Variants in SOX5 observed in about 807,000 individuals in gnomAD.
The protein encoded by SOX5 is transcription factor SOX-5.
In SOX5, 9 loss-of-function variants were observed where a neutral mutation model predicts 92.0. That is an observed-to-expected ratio of 0.10 (90% confidence interval 0.06 to 0.17). The LOEUF is 0.17. Ranked by LOEUF, SOX5 falls within the 10% of genes least tolerant of loss-of-function variation. The pLI is 1.00. For missense variants in SOX5, 642 were observed against 944.5 expected, an observed-to-expected ratio of 0.68 and a Z score of 4.20; for synonymous variants, 344 against 336.3, an observed-to-expected ratio of 1.02 and a Z score of -0.25.
intron 3 of SOX5, among the ~76,000 whole-genome samples, chr12:24,276,475 G>A (rs11047344): frequency 1.3e-5 from 2 of 152,096 alleles, no homozygotes; most frequent in African/African-American, 2.4e-5. Context: ...AGGTATCAAC[G>A]AAAGGAGATT....
At chr12:23,687,980 A>G (rs776170919) in intron 6 of SOX5, among the ~76,000 whole-genome samples, 1 of 151,918 alleles carries the variant, frequency 6.6e-6, no homozygotes, top group Non-Finnish European at 1.5e-5. Flanking sequence ...ACTCTAGACA[A>G]TAGTATTGGT....
chr12:24,232,160 T>C (rs578212067), intron 3 of SOX5, among the ~76,000 whole-genome samples: 1 of 152,332 alleles, frequency 6.6e-6, no homozygotes, highest in Non-Finnish European at 1.5e-5. Context: ...GCTTACAATA[T>C]TTTCTCCAAA....
At chr12:23,979,523 C>A (rs933412071) in intron 4 of SOX5, among the ~76,000 whole-genome samples, 3 of 151,442 alleles carry the variant, frequency 2.0e-5, no homozygotes, top group Non-Finnish European at 4.4e-5. Flanking sequence ...CGCACCTGGC[C>A]CCAATACTTG....
intron 2 of SOX5, among the ~76,000 whole-genome samples, chr12:23,890,861 T>C (rs1193927288): frequency 4.6e-5 from 7 of 151,448 alleles, no homozygotes; most frequent in Admixed American, 4.6e-4. Context: ...CAATTGGAGA[T>C]TTAACTACCA....
At position 23,827,649 on chromosome 12, in the gene SOX5, A is replaced by T. The variant is rs963012496; in HGVS notation, c.481+18334T>A. ...TCGATGTTGCTGTCAGGTACCAGACAGTTGCTTGGCACTGCGGATACAGTT... is the reference window on the plus strand; with the variant it reads ...TCGATGTTGCTGTCAGGTACCAGACTGTTGCTTGGCACTGCGGATACAGTT... On this transcript the variant is annotated intron_variant, in intron 3 of 14. Coordinates refer to ENST00000451604, the MANE Select transcript of SOX5 (RefSeq NM_006940.6). 2.0e-5 allele frequency among the ~76,000 whole-genome samples: 3 copies of T among 152,232 alleles called. No homozygotes were observed. The East Asian group carries it at 5.8e-4, about 29-fold the overall frequency.
intron 4 of SOX5, among the ~76,000 whole-genome samples, chr12:24,080,446 T>A (rs555318297): frequency 5.9e-5 from 9 of 152,196 alleles, no homozygotes; most frequent in African/African-American, 1.9e-4. Context: ...TTCAAGAAAG[T>A]AACATCACGC....
intron 1 of SOX5, among the ~76,000 whole-genome samples, chr12:24,547,248 G>C (rs1163410996): frequency 6.8e-6 from 1 of 147,242 alleles, no homozygotes; most frequent in Non-Finnish European, 1.5e-5. Context: ...GCGGACTGCA[G>C]TGGCGCAATC....
intron 3 of SOX5, among the ~76,000 whole-genome samples, chr12:23,798,453 CT>C (rs1231637809): frequency 1.3e-5 from 2 of 151,966 alleles, no homozygotes; most frequent in African/African-American, 4.8e-5. Flanking sequence ...ATCCTTCATT[CT>C]TTGGTTAATC....
At chr12:24,116,431 A>G (rs1390024521) in intron 4 of SOX5, among the ~76,000 whole-genome samples, 1 of 152,156 alleles carries the variant, frequency 6.6e-6, no homozygotes, top group African/African-American at 2.4e-5. Flanking sequence ...CTCAAGGCAG[A>G]TTTTTGTAAA....
chr12:23,779,814 T>TATATACACACAC (rs777013504), intron 3 of SOX5, among the ~76,000 whole-genome samples: 47 of 110,792 alleles, frequency 4.2e-4, no homozygotes, highest in African/African-American at 1.1e-3. Flanking sequence ...TATATATATA[T>TATATACACACAC]ACACACACAC....
chr12:23,973,542 G>T (rs929172571), intron 4 of SOX5, among the ~76,000 whole-genome samples: 3 of 152,068 alleles, frequency 2.0e-5, no homozygotes, highest in African/African-American at 7.2e-5. Context: ...CCTTTACAAA[G>T]AATTTCCATC....
intron 6 of SOX5, among the ~76,000 whole-genome samples, chr12:23,682,619 G>A (rs1593244898): frequency 6.6e-6 from 1 of 151,678 alleles, no homozygotes; most frequent in Non-Finnish European, 1.5e-5. Flanking sequence ...GAATAAATTT[G>A]AAGCCACTAT....
At chr12:24,279,443 T>C (rs548894802) in intron 2 of SOX5, among the ~76,000 whole-genome samples, 13 of 152,122 alleles carry the variant, frequency 8.5e-5, no homozygotes, top group Admixed American at 7.9e-4. Context: ...AGAAAAGAGG[T>C]TGTAAAAACC....
intron 9 of SOX5, among the ~76,000 whole-genome samples, chr12:23,586,417 C>T (rs1950752587): frequency 6.6e-6 from 1 of 151,666 alleles, no homozygotes; most frequent in Admixed American, 6.6e-5. Flanking sequence ...TAGGAAACTT[C>T]GATAGTGAAA....
At chr12:23,734,875 G>A in intron 5 of SOX5, 123 bp from the exon 6 acceptor site, 1 of 666,212 alleles carries the variant, frequency 1.5e-6, no homozygotes, top group Non-Finnish European at 2.6e-6. Context: ...AGACGTGTCT[G>A]TGCTCCTAAA....
chr12:24,271,553 T>A (rs1377714626), intron 3 of SOX5, among the ~76,000 whole-genome samples: 1 of 152,194 alleles, frequency 6.6e-6, no homozygotes, highest in Non-Finnish European at 1.5e-5. Flanking sequence ...AGAATCCTTC[T>A]CTACTCCTAA....
At chr12:23,826,792 A>G (rs568783579) in intron 3 of SOX5, among the ~76,000 whole-genome samples, 4 of 152,318 alleles carry the variant, frequency 2.6e-5, no homozygotes, top group East Asian at 3.9e-4. Context: ...AGTCTTCCAC[A>G]TGACTAATGT....
chr12:24,029,914 C>T (rs1909351), intron 4 of SOX5, among the ~76,000 whole-genome samples: 43,490 of 151,836 alleles, frequency 0.29, 7,135 homozygotes, highest in East Asian at 0.61. Context: ...TGTAAACTAA[C>T]CACATCTATG....
intron 1 of SOX5, among the ~76,000 whole-genome samples, chr12:24,445,752 T>G (rs1187345042): frequency 6.6e-6 from 1 of 152,204 alleles, no homozygotes; most frequent in African/African-American, 2.4e-5. Flanking sequence ...TCTCACAGTT[T>G]AGGATTCCAC....
Sources: allele counts gnomAD v4.1 joint callset (sites outside exome capture counted in the v4.1 genomes callset), GRCh38; gene constraint gnomAD v4.1.1; transcripts MANE v1.5; gene names NCBI Gene and HGNC (gene_info 2026-07-23, HGNC 2026-07-21).